The following MORC2 variants were observed in gnomAD, a reference collection of about 807,000 sequenced individuals.
MORC2 encodes MORC family CW-type zinc finger 2, also known as ATPase MORC2.
MORC2 carries 30 observed loss-of-function variants against 136.0 expected under a neutral mutation model. The observed-to-expected ratio is 0.22, with a 90% CI of 0.17 to 0.30. The LOEUF (loss-of-function observed/expected upper bound fraction) is 0.30, where lower values mean the gene tolerates loss of function less well. Ranked by LOEUF, MORC2 falls within the 10% of genes least tolerant of loss-of-function variation. MORC2 has a pLI of 1.00. For missense variants in MORC2, 922 were observed against 1,333.1 expected (o/e 0.69, Z 4.80); for synonymous variants, 439 against 487.0 (o/e 0.90, Z 1.30).
In MORC2 at chr22:30,934,730, T is replaced by C. The variant is rs1478928649; in HGVS notation, c.2193+51A>G. ...CAGCTGTGACACTGCACAATTCCAT[T>C]CCTACACTACTGACACTGGGCTGGG... On this transcript the variant is annotated intron_variant, in intron 19 of 25. Transcript: ENST00000397641. The surrounding 1 kb of genome is among the most constrained non-coding windows in gnomAD (Gnocchi z 4.4). 1.9e-6 allele frequency: 3 copies of C among 1,592,396 alleles called. No individual in the cohort carries two copies. Among genetic ancestry groups the C allele is most frequent in the South Asian group, 2.3e-5 (2 of 87,816 alleles).
chr22:30,959,826 C>A (rs375852264), intron 1 of MORC2, among the ~76,000 whole-genome samples: 1 of 152,174 alleles, frequency 6.6e-6, no homozygotes, highest in Non-Finnish European at 1.5e-5. Flanking sequence ...AGTAAATAAC[C>A]AGCATCTAGG....
At chr22:30,944,836 G>A (rs758169147) in intron 6 of MORC2, among the ~76,000 whole-genome samples, 8 of 152,176 alleles carry the variant, frequency 5.3e-5, no homozygotes, top group Non-Finnish European at 8.8e-5. Context: ...TCCCTTGGGC[G>A]AGTACCGCCA....
In MORC2 at chr22:30,941,544, C is replaced by T. The variant is rs367766290; in HGVS notation, c.713G>A (p.Arg238His). The T allele has an allele frequency of 1.4e-5, 22 of 1,613,272 alleles. No individual in the cohort carries two copies. The highest frequency in any genetic ancestry group is 1.2e-4 in the South Asian group (11 of 91,072). ...TSPEGTKPER[R>H]SFRAYAAVLY... ...CACAGCGGCATAGGCACGGAACGAG[C>T]GCCGCTCTGGCTTCCTGGAGAGGGC... Residue 238 changes from arginine (R) to histidine (H), a missense_variant, in exon 9 of 26, where the codon CGC becomes CAC. This residue lies in a region of MORC2 where 261 missense variants were observed against 354.3 expected (regional missense o/e 0.74). Coordinates refer to ENST00000397641, the MANE Select transcript of MORC2 (RefSeq NM_001303256.3). This position sits in a 1 kb window ranked among gnomAD's most constrained non-coding sequence, Gnocchi z 4.6.
At chr22:30,963,203 C>A (rs1317967004) in intron 1 of MORC2, 7 of 467,680 alleles carry the variant, frequency 1.5e-5, no homozygotes, top group Non-Finnish European at 2.8e-6. Flanking sequence ...GTCTCAATCT[C>A]CTGACCTCGT....
In MORC2 at chr22:30,928,009, C is replaced by T; in HGVS notation, c.3030+10G>A. ...TGGTCCAGCTGCAACAGGAAGGCTG[C>T]CGGGCTCACCTCCTGCACCTTTTGC... On this transcript the variant is annotated intron_variant, in intron 25 of 25. Transcript: ENST00000397641. The T allele has an allele frequency of 6.2e-7, 1 of 1,612,532 alleles. No individual in the cohort carries two copies. The highest frequency in any genetic ancestry group is 8.5e-7 in the Non-Finnish European group (1 of 1,179,966).
intron 25 of MORC2, among the ~76,000 whole-genome samples, chr22:30,927,811 G>A (rs2040511789): frequency 6.6e-6 from 1 of 152,198 alleles, no homozygotes; most frequent in South Asian, 2.1e-4. Context: ...TGTCTAAAGG[G>A]AAAAAGCCTG....
intron 5 of MORC2, among the ~76,000 whole-genome samples, chr22:30,949,226 A>C (rs2040856813): frequency 6.6e-6 from 1 of 152,232 alleles, no homozygotes; most frequent in South Asian, 2.1e-4. Context: ...AAAAAGTCCC[A>C]TGGGATTTGA....
At chr22:30,943,339 G>A (rs1313869827) in intron 6 of MORC2, among the ~76,000 whole-genome samples, 1 of 152,234 alleles carries the variant, frequency 6.6e-6, no homozygotes, top group African/African-American at 2.4e-5. Flanking sequence ...TATGACTGAT[G>A]AGGGCACACA....
Position 30,949,856 on chromosome 22 carries a change from C to CA in MORC2, c.227-15dup. 1 of 1,613,042 alleles carries CA rather than the reference C, an allele frequency of 6.2e-7. No individual in the cohort carries two copies. Among genetic ancestry groups the CA allele is most frequent in the Non-Finnish European group, 8.5e-7 (1 of 1,179,158 alleles). On this transcript the variant is annotated splice_polypyrimidine_tract_variant and intron_variant, in intron 4 of 25. Coordinates refer to ENST00000397641, the MANE Select transcript of MORC2 (RefSeq NM_001303256.3). ...TGGCAGCATCACCTGAAAGGGCAGACACAAGAGAAAGTGAAAAGTTTGCAT... is the reference window on the plus strand; with the variant it reads ...TGGCAGCATCACCTGAAAGGGCAGACAACAAGAGAAAGTGAAAAGTTTGCAT...
Position 30,967,958 on chromosome 22 carries a change from C to T in MORC2, c.-69G>A. ...TATAACCTTATAATGATATCGATTT[C>T]CCAGGATTCTGTCCAGTAAAGCTTC... On this transcript the variant is annotated 5_prime_UTR_variant, in exon 1 of 26. Coordinates refer to ENST00000397641, the MANE Select transcript of MORC2 (RefSeq NM_001303256.3). The T allele has an allele frequency of 1.5e-6, 2 of 1,338,020 alleles. No individual in the cohort carries two copies. The highest frequency in any genetic ancestry group is 2.1e-6 in the Non-Finnish European group (2 of 953,950). The allele number at this position is 1,338,020 out of a possible 1,614,324, so 82.9% of individuals were successfully genotyped here. A position where few individuals can be genotyped will look rare whatever the true frequency, so the allele number is the denominator to read the frequency against.
intron 20 of MORC2, among the ~76,000 whole-genome samples, chr22:30,933,747 C>T (rs1435973616): frequency 6.6e-6 from 1 of 152,182 alleles, no homozygotes; most frequent in Non-Finnish European, 1.5e-5. Flanking sequence ...TGTTTCAAGC[C>T]TCACTGATGT....
chr22:30,936,690 G>C (rs2040657600), intron 16 of MORC2, 47 bp from the exon 17 acceptor site: 2 of 1,598,598 alleles, frequency 1.3e-6, no homozygotes, highest in Admixed American at 1.7e-5. Context: ...AGAGCGCCAA[G>C]CTCGGCAAGG....
Position 30,932,056 on chromosome 22 carries a change from T to G in MORC2, c.2841+303A>C, listed in dbSNP as rs149054619. Among the ~76,000 whole-genome samples, 1 of 152,358 alleles carries G rather than the reference T, an allele frequency of 6.6e-6. No individual in the cohort carries two copies. The highest frequency in any genetic ancestry group is 2.4e-5 in the African/African-American group (1 of 41,584). ...CTACTGGGGCAGAAGAAAGTGGGTA[T>G]GCTTGTCATAAAATGTCAAACTACA... On this transcript the variant is annotated intron_variant, in intron 24 of 25. Transcript: ENST00000397641. The surrounding 1 kb of genome is among the most constrained non-coding windows in gnomAD (Gnocchi z 4.4).
At chr22:30,940,923 G>T in intron 9 of MORC2, 86 bp from the exon 10 acceptor site, 3 of 1,122,026 alleles carry the variant, frequency 2.7e-6, no homozygotes, top group Non-Finnish European at 2.7e-6. Flanking sequence ...CTGCCTTCCT[G>T]CCTCCTCCCA....
At chr22:30,938,916 G>A (rs1672188935) in intron 12 of MORC2, among the ~76,000 whole-genome samples, 1 of 152,202 alleles carries the variant, frequency 6.6e-6, no homozygotes, top group African/African-American at 2.4e-5. Flanking sequence ...TAATAAGCAT[G>A]TGCAATAAGA....
Position 30,932,546 on chromosome 22 carries a change from G to C in MORC2, c.2746C>G (p.Arg916Gly). ...TGGGAAGACAAAAGACACATGTACCGGAGGATCTGGACAAGCAGGTCGATG... is the reference window on the plus strand; with the variant it reads ...TGGGAAGACAAAAGACACATGTACCCGAGGATCTGGACAAGCAGGTCGATG... Reference protein sequence around the residue: ...ETIDLLVQILRNCLRYFLPPS... With the variant: ...ETIDLLVQILGNCLRYFLPPS... The change falls in exon 23 of 26, where the codon CGG becomes GGG. Residue 916 changes from arginine to glycine, a missense_variant and splice_region_variant. By Grantham distance (125) the Arg-to-Gly change is moderately radical (BLOSUM62 -2). This residue lies in a region of MORC2 where 263 missense variants were observed against 388.3 expected (regional missense o/e 0.68). Coordinates refer to ENST00000397641, the MANE Select transcript of MORC2 (RefSeq NM_001303256.3). This position sits in a 1 kb window ranked among gnomAD's most constrained non-coding sequence, Gnocchi z 4.4. 1 of 1,614,064 alleles carries C rather than the reference G, an allele frequency of 6.2e-7. No individual in the cohort carries two copies. The highest frequency in any genetic ancestry group is 8.5e-7 in the Non-Finnish European group (1 of 1,179,964).
In MORC2 at chr22:30,932,494, G is replaced by A. The variant is rs1412618866; in HGVS notation, c.2748-42C>T. 4 of 1,612,724 alleles carry A rather than the reference G, an allele frequency of 2.5e-6. No individual in the cohort carries two copies. Among genetic ancestry groups the A allele is most frequent in the Non-Finnish European group, 2.5e-6 (3 of 1,178,752 alleles). ...CAGTAATTCAGAATGGCATGGAGCAGGCAGAGAGCTGCTGCTGGCCCTGGG... is the reference window on the plus strand; with the variant it reads ...CAGTAATTCAGAATGGCATGGAGCAAGCAGAGAGCTGCTGCTGGCCCTGGG... On this transcript the variant is annotated intron_variant, in intron 23 of 25. Transcript: ENST00000397641. The surrounding 1 kb of genome is among the most constrained non-coding windows in gnomAD (Gnocchi z 4.4).
In MORC2 at chr22:30,926,744, C is replaced by CCCCTGCAG. The variant is rs1297177122; in HGVS notation, c.*51_*58dup. ...ACCAACCCATGAATGAAGTCCCCTC[C>CCCCTGCAG]CCCTGCAGCTACAGGGTTGAGGGGC... is the stretch of plus-strand genomic sequence containing the variant. On this transcript the variant is annotated 3_prime_UTR_variant, in exon 26 of 26. Transcript: ENST00000397641. The CCCCTGCAG allele has an allele frequency of 7.0e-7, 1 of 1,422,054 alleles. No individual in the cohort carries two copies. Among genetic ancestry groups the CCCCTGCAG allele is most frequent in the African/African-American group, 1.4e-5 (1 of 70,924 alleles). 88.1% of individuals were successfully genotyped at this position (1,422,054 alleles called of 1,614,324 possible).
chr22:30,963,950 T>C (rs929858336), intron 1 of MORC2, among the ~76,000 whole-genome samples: 2 of 152,200 alleles, frequency 1.3e-5, no homozygotes, highest in African/African-American at 4.8e-5. Flanking sequence ...TATTTTACAT[T>C]GAAATGGCTT....
Sources: gnomAD v4.1 joint callset for allele counts (sites outside exome capture counted in the v4.1 genomes callset) on GRCh38, gnomAD v4.1.1 for gene constraint, gnomAD v4.1.1 regional missense constraint, Gnocchi (gnomAD v3.1) non-coding constraint, MANE v1.5 for transcripts, NCBI Gene and HGNC (gene_info 2026-07-23, HGNC 2026-07-21) for gene names.